Variants in MYLK3 observed in about 807,000 individuals in gnomAD.
MYLK3 encodes the protein myosin light chain kinase 3.
In MYLK3, 55 loss-of-function variants were observed where a neutral mutation model predicts 76.3. The observed-to-expected ratio is 0.72, with a 90% CI of 0.58 to 0.90. The LOEUF is 0.90. MYLK3 is among the 40% of genes least tolerant of loss of function. MYLK3 has a pLI of 0.00. For missense variants in MYLK3, 973 were observed against 1,053.6 expected (o/e 0.92, Z 1.06); for synonymous variants, 416 against 425.4 (o/e 0.98, Z 0.27).
At chr16:46,753,862 G>T (rs988234279) in intron 1 of MYLK3, among the ~76,000 whole-genome samples, 1 of 152,168 alleles carries the variant, frequency 6.6e-6, no homozygotes, top group Non-Finnish European at 1.5e-5. Context: ...GCAGCGAACT[G>T]TGTTTGTGCC....
At position 46,703,869 on chromosome 16, in the gene MYLK3, T is replaced by C. The variant is rs939967612; in HGVS notation, c.*3835A>G. Reference sequence around the variant, plus strand: ...AGATGCCACTAACCACGTGTGGCTATTAAACACTTAAAATGTGGCTAGTGC... The same window carrying C: ...AGATGCCACTAACCACGTGTGGCTACTAAACACTTAAAATGTGGCTAGTGC... On this transcript the variant is annotated 3_prime_UTR_variant, in exon 13 of 13. Coordinates refer to ENST00000394809, the MANE Select transcript of MYLK3 (RefSeq NM_182493.3). 5 of 153,804 alleles carry C rather than the reference T, an allele frequency of 3.3e-5. No homozygotes were observed. The highest frequency in any genetic ancestry group is 1.2e-4 in the African/African-American group (5 of 41,470). 9.5% of individuals were successfully genotyped at this position (153,804 alleles called of 1,614,324 possible).
rs919416843 is a variant in MYLK3, at chr16:46,704,456, T to C, written c.*3248A>G. 1.3e-5 allele frequency: 2 copies of C among 151,264 alleles called. No homozygotes were observed. The highest frequency in any genetic ancestry group is 4.9e-5 in the African/African-American group (2 of 40,984). 9.4% of individuals were successfully genotyped at this position (151,264 alleles called of 1,614,324 possible). A position where few individuals can be genotyped will look rare whatever the true frequency, so the allele number is the denominator to read the frequency against. The stretch of plus-strand genomic sequence containing the variant: ...AGAAAAAGAATATAAAATATCTCTT[T>C]TTTTTTGAGACGGAGTTTTGCTCTT... On this transcript the variant is annotated 3_prime_UTR_variant, in exon 13 of 13. Coordinates refer to ENST00000394809, the MANE Select transcript of MYLK3 (RefSeq NM_182493.3).
At position 46,729,682 on chromosome 16, in the gene MYLK3, C is replaced by T. The variant is rs775706296; in HGVS notation, c.1574G>A (p.Arg525Gln). The T allele has an allele frequency of 9.9e-6, 16 of 1,613,462 alleles. No individual in the cohort carries two copies. The highest frequency in any genetic ancestry group is 1.6e-4 in the Middle Eastern group (1 of 6,080). The change falls in exon 6 of 13, where the codon CGG (arginine) becomes CAG (glutamine). Residue 525 changes from arginine (R) to glutamine (Q), a missense_variant. This residue lies in a region of MYLK3 where 332 missense variants were observed against 416.6 expected (regional missense o/e 0.80). Coordinates refer to ENST00000394809, the MANE Select transcript of MYLK3 (RefSeq NM_182493.3). ...TGTGCACCTGTGGACCTGGCCAAAC[C>T]GACCCCTGCAGAGACATAGCCACAC... ...VCQHEVLGGG[R>Q]FGQVHRCTEK...
At chr16:46,756,045 G>A (rs1236932035) in intron 1 of MYLK3, among the ~76,000 whole-genome samples, 2 of 151,672 alleles carry the variant, frequency 1.3e-5, no homozygotes, top group South Asian at 2.1e-4. Context: ...GAGTAGCTGG[G>A]ACTACAGGTA....
chr16:46,726,130 T>A (rs1266637931), intron 8 of MYLK3: 1 of 152,220 alleles, frequency 6.6e-6, no homozygotes, highest in African/African-American at 2.4e-5. Context: ...GTCAGTTGGC[T>A]GTAAGTATTA....
upstream of MYLK3, among the ~76,000 whole-genome samples, chr16:46,749,303 G>C (rs1198316857): frequency 6.6e-6 from 1 of 152,252 alleles, no homozygotes; most frequent in Non-Finnish European, 1.5e-5. Flanking sequence ...GCAAAGCCCA[G>C]AGAGGGGCAT....
In MYLK3 at chr16:46,732,529, A is replaced by T; in HGVS notation, c.1141T>A (p.Cys381Ser). The T allele has an allele frequency of 6.2e-7, 1 of 1,603,748 alleles. No homozygotes were observed. Among genetic ancestry groups the T allele is most frequent in the South Asian group, 1.1e-5 (1 of 91,050 alleles). ...GGCTCAGTCCCAGGGGCTTGGAGGC[A>T]GCGCCCGGTCCCAGGTGGGCCCTGC... ...GKQGPPGTGR[C>S]LQAPGTEPGE... The change falls in exon 4 of 13, where the codon TGC (cysteine) becomes AGC (serine). Residue 381 changes from cysteine (C) to serine (S), a missense_variant. Cys to Ser is a moderately radical substitution (Grantham distance 112). Transcript: ENST00000394809.
chr16:46,744,349 T>TTC (rs1966985233), intron 1 of MYLK3, among the ~76,000 whole-genome samples: 1 of 141,488 alleles, frequency 7.1e-6, no homozygotes, highest in African/African-American at 2.6e-5. Context: ...TTTTTTTTTT[T>TTC]TTTTTTTAAG....
At position 46,704,712 on chromosome 16, in the gene MYLK3, G is replaced by A. The variant is rs1966608511; in HGVS notation, c.*2992C>T. ...TAGAAATGTTTTAATTATGTGTATAGCCTGTACTATATTTTTGTTGGGCAG... is the reference window on the plus strand; with the variant it reads ...TAGAAATGTTTTAATTATGTGTATAACCTGTACTATATTTTTGTTGGGCAG... On this transcript the variant is annotated 3_prime_UTR_variant, in exon 13 of 13. Transcript: ENST00000394809. 6.6e-6 allele frequency: 1 copy of A among 152,118 alleles called. No individual in the cohort carries two copies. The highest frequency in any genetic ancestry group is 2.1e-4 in the South Asian group (1 of 4,832). The allele number at this position is 152,118 out of a possible 1,614,324, so 9.4% of individuals were successfully genotyped here. A position where few individuals can be genotyped will look rare whatever the true frequency, so the allele number is the denominator to read the frequency against.
intron 10 of MYLK3, among the ~76,000 whole-genome samples, chr16:46,712,242 T>A (rs943335681): frequency 6.6e-6 from 1 of 152,026 alleles, no homozygotes; most frequent in African/African-American, 2.4e-5. Flanking sequence ...TCCTCCCACC[T>A]TGGCCTCCCA....
chr16:46,716,211 C>T (rs546397691), intron 9 of MYLK3, among the ~76,000 whole-genome samples: 1 of 152,212 alleles, frequency 6.6e-6, no homozygotes, highest in East Asian at 1.9e-4. Context: ...TTGCCCTCTG[C>T]TTCTGGTCCC....
At chr16:46,745,703 G>A (rs1416434916) in intron 1 of MYLK3, among the ~76,000 whole-genome samples, 2 of 152,112 alleles carry the variant, frequency 1.3e-5, no homozygotes, top group African/African-American at 4.8e-5. Flanking sequence ...TCGAGATCGC[G>A]CCATTGAACT....
chr16:46,725,215 G>C (rs561143715), intron 8 of MYLK3, among the ~76,000 whole-genome samples: 1 of 152,112 alleles, frequency 6.6e-6, no homozygotes, highest in Non-Finnish European at 1.5e-5. Flanking sequence ...TTATATACAA[G>C]AGCGTGTCAT....
intron 3 of MYLK3, among the ~76,000 whole-genome samples, chr16:46,736,938 CCTCA>C (rs1280779697): frequency 6.6e-6 from 1 of 152,202 alleles, no homozygotes; most frequent in Non-Finnish European, 1.5e-5. Flanking sequence ...GAGAGCAGGT[CCTCA>C]GGCTGCGTTC....
chr16:46,740,998 G>A (rs1054810976), intron 1 of MYLK3, among the ~76,000 whole-genome samples: 2 of 152,212 alleles, frequency 1.3e-5, no homozygotes, highest in Non-Finnish European at 2.9e-5. Context: ...TGGGAGCTGG[G>A]TTGGGGGATC....
chr16:46,752,689 C>G (rs544106880), upstream of MYLK3, among the ~76,000 whole-genome samples: 1 of 152,006 alleles, frequency 6.6e-6, no homozygotes, highest in Admixed American at 6.6e-5. Flanking sequence ...GCCTGGGCAA[C>G]ATAGCAAGAC....
chr16:46,753,189 A>C (rs1421253005), upstream of MYLK3, among the ~76,000 whole-genome samples: 1 of 152,162 alleles, frequency 6.6e-6, no homozygotes, highest in Non-Finnish European at 1.5e-5. Context: ...TCCCTGTAGG[A>C]CCCCAGAGAG....
intron 1 of MYLK3, among the ~76,000 whole-genome samples, 181 bp downstream of exon 1, chr16:46,747,536 G>A (rs1347364715): frequency 6.6e-6 from 1 of 152,214 alleles, no homozygotes; most frequent in African/African-American, 2.4e-5. Context: ...AGAATGGCAG[G>A]CAGTGTCCGG....
intron 8 of MYLK3, among the ~76,000 whole-genome samples, chr16:46,722,619 A>C (rs564559719): frequency 1.2e-4 from 19 of 152,102 alleles, no homozygotes; most frequent in African/African-American, 4.6e-4. Flanking sequence ...TAGAATGTAC[A>C]TTTAAAAAGG....
Sources: allele counts gnomAD v4.1 joint callset (sites outside exome capture counted in the v4.1 genomes callset), GRCh38; gene constraint gnomAD v4.1.1; regional missense constraint gnomAD v4.1.1; transcripts MANE v1.5; gene names NCBI Gene and HGNC (gene_info 2026-07-23, HGNC 2026-07-21).